Variants in SSH2 observed in about 807,000 individuals in gnomAD.
The protein encoded by SSH2 is slingshot protein phosphatase 2, also known as protein phosphatase Slingshot homolog 2.
SSH2 carries 37 observed loss-of-function variants against 135.2 expected under a neutral mutation model. The observed-to-expected ratio is 0.27, with a 90% confidence interval of 0.21 to 0.36. The LOEUF is 0.36. Among genes scored for constraint, SSH2 ranks in the 10% least tolerant of loss-of-function variants. The probability of loss-of-function intolerance (pLI) is 1.00; values close to 1 mark genes in which losing one functional copy is unlikely to be tolerated. For missense variants in SSH2, 1,408 were observed against 1,765.3 expected, an observed-to-expected ratio of 0.80 and a Z score of 3.63; for synonymous variants, 628 against 646.2, an observed-to-expected ratio of 0.97 and a Z score of 0.43.
At chr17:29,777,110 G>A (rs1390249211) in intron 3 of SSH2, among the ~76,000 whole-genome samples, 1 of 152,060 alleles carries the variant, frequency 6.6e-6, no homozygotes, top group East Asian at 1.9e-4. Flanking sequence ...TACTTGGGAG[G>A]CTGAGGCAGG....
intron 1 of SSH2, among the ~76,000 whole-genome samples, chr17:29,893,694 C>G (rs2066392186): frequency 6.6e-6 from 1 of 152,078 alleles, no homozygotes; most frequent in Non-Finnish European, 1.5e-5. Flanking sequence ...GGTACATGAT[C>G]AAATACTTTT....
chr17:29,654,920 A>G (rs1183146113), intron 12 of SSH2, among the ~76,000 whole-genome samples: 1 of 152,164 alleles, frequency 6.6e-6, no homozygotes, highest in African/African-American at 2.4e-5. Flanking sequence ...GAAGACGCTC[A>G]ATCAATGTTG....
At chr17:29,708,631 G>T (rs76144685) in intron 3 of SSH2, among the ~76,000 whole-genome samples, 3,088 of 147,904 alleles carry the variant, frequency 0.021, 110 homozygotes, top group African/African-American at 0.071. Context: ...CGGTTCTTTA[G>T]AAAGGCAGGT....
At chr17:29,894,439 G>T (rs2066405085) in intron 1 of SSH2, among the ~76,000 whole-genome samples, 1 of 151,966 alleles carries the variant, frequency 6.6e-6, no homozygotes, top group Non-Finnish European at 1.5e-5. Context: ...TTATAACATG[G>T]CATAGTATTT....
At chr17:29,732,201 A>AC (rs1305296421) in intron 3 of SSH2, among the ~76,000 whole-genome samples, 3 of 152,216 alleles carry the variant, frequency 2.0e-5, no homozygotes, top group Non-Finnish European at 4.4e-5. Flanking sequence ...ACCTTGTCTC[A>AC]CATACTTGGG....
chr17:29,638,722 T>A (rs1049464029), intron 14 of SSH2, among the ~76,000 whole-genome samples: 7 of 152,080 alleles, frequency 4.6e-5, no homozygotes, highest in African/African-American at 1.4e-4. Context: ...CTGATTTTTT[T>A]ATTTTTTATT....
At chr17:29,788,267 G>C (rs901362719) in intron 3 of SSH2, among the ~76,000 whole-genome samples, 3 of 152,202 alleles carry the variant, frequency 2.0e-5, no homozygotes, top group Admixed American at 2.0e-4. Flanking sequence ...AAAGCAGACT[G>C]TCCTCTCCAG....
intron 8 of SSH2, among the ~76,000 whole-genome samples, chr17:29,675,564 C>T (rs1000806008): frequency 1.3e-5 from 2 of 152,022 alleles, no homozygotes; most frequent in South Asian, 2.1e-4. Context: ...GAGGCCAAGG[C>T]AGGAGGACGG....
At chr17:29,853,896 G>A (rs1038541193) in intron 1 of SSH2, among the ~76,000 whole-genome samples, 4 of 151,558 alleles carry the variant, frequency 2.6e-5, no homozygotes, top group Admixed American at 1.3e-4. Context: ...ACTTGAGCCT[G>A]GGAGTTCAAG....
intron 1 of SSH2, among the ~76,000 whole-genome samples, chr17:29,910,806 A>C (rs2066751921): frequency 6.6e-6 from 1 of 152,198 alleles, no homozygotes; most frequent in African/African-American, 2.4e-5. Context: ...TGTGTGAATG[A>C]TATACTTCAC....
At chr17:29,648,416 G>T in intron 13 of SSH2, 72 bp from the exon 14 acceptor site, 1 of 1,324,776 alleles carries the variant, frequency 7.5e-7, no homozygotes, top group African/African-American at 1.5e-5. Flanking sequence ...TTGGTTTCTA[G>T]ATTTTTCCAA....
chr17:29,683,773 GAA>G (rs762331303), intron 6 of SSH2, among the ~76,000 whole-genome samples: 9 of 119,790 alleles, frequency 7.5e-5, no homozygotes, highest in South Asian at 2.6e-4. Flanking sequence ...GAAAAATAAG[GAA>G]AAAAAAAAAA....
chr17:29,761,154 G>A, intron 3 of SSH2: 2 of 1,289,352 alleles, frequency 1.6e-6, no homozygotes, highest in South Asian at 2.5e-5. Flanking sequence ...ACTCACAGCT[G>A]GTTGATGGCG....
At chr17:29,778,470 T>A (rs1045710560) in intron 3 of SSH2, among the ~76,000 whole-genome samples, 1 of 151,452 alleles carries the variant, frequency 6.6e-6, no homozygotes, top group African/African-American at 2.4e-5. Flanking sequence ...TAAAACCCCA[T>A]CTCTACTAAA....
intron 4 of SSH2, among the ~76,000 whole-genome samples, chr17:29,699,301 C>A (rs905861965): frequency 2.6e-5 from 4 of 152,132 alleles, no homozygotes; most frequent in African/African-American, 9.7e-5. Context: ...TCAAATGCAG[C>A]CCAGTTAAAA....
chr17:29,897,155 C>T (rs1007101412), intron 1 of SSH2, among the ~76,000 whole-genome samples: 7 of 151,798 alleles, frequency 4.6e-5, no homozygotes, highest in East Asian at 3.9e-4. Context: ...AAGGAACAAC[C>T]GGTACCAGCC....
chr17:29,834,561 A>G (rs2042912436), intron 2 of SSH2, among the ~76,000 whole-genome samples: 1 of 152,140 alleles, frequency 6.6e-6, no homozygotes, highest in South Asian at 2.1e-4. Context: ...CTTTGTTTAT[A>G]AGATCTTTTA....
At chr17:29,880,234 C>T (rs2066112741) in intron 1 of SSH2, among the ~76,000 whole-genome samples, 1 of 152,210 alleles carries the variant, frequency 6.6e-6, no homozygotes, top group Non-Finnish European at 1.5e-5. Context: ...AATGATTCAC[C>T]TCAGTCTGCC....
intron 11 of SSH2, among the ~76,000 whole-genome samples, 183 bp downstream of exon 11, chr17:29,666,684 C>T (rs577159761): frequency 6.6e-6 from 1 of 152,254 alleles, no homozygotes; most frequent in African/African-American, 2.4e-5. Context: ...CTGTCACACA[C>T]ACGCACACAC....
Sources: gnomAD v4.1 joint callset for allele counts (sites outside exome capture counted in the v4.1 genomes callset) on GRCh38, gnomAD v4.1.1 for gene constraint, MANE v1.5 for transcripts, NCBI Gene and HGNC (gene_info 2026-07-23, HGNC 2026-07-21) for gene names.